Variants in RABGAP1L observed in about 807,000 individuals in gnomAD.
RABGAP1L encodes the protein rab GTPase-activating protein 1-like.
In RABGAP1L, 63 loss-of-function variants were observed where a neutral mutation model predicts 137.7. The ratio of observed to expected loss-of-function variants is 0.46; its 90% CI spans 0.37 to 0.56. The LOEUF is 0.56. Among genes scored for constraint, RABGAP1L ranks in the 20% least tolerant of loss-of-function variants. RABGAP1L has a pLI of 0.00. For synonymous variants in RABGAP1L, 431 were observed against 433.7 expected (o/e 0.99, Z 0.08); for missense variants, 1,095 against 1,244.0 (o/e 0.88, Z 1.80).
intron 13 of RABGAP1L, among the ~76,000 whole-genome samples, chr1:174,573,237 A>T (rs953838575): frequency 2.0e-5 from 3 of 149,580 alleles, no homozygotes; most frequent in African/African-American, 7.4e-5. Context: ...ATATGTTTAT[A>T]TGTATGTGTG....
At chr1:174,797,529 T>TG (rs1688338762) in intron 18 of RABGAP1L, among the ~76,000 whole-genome samples, 1 of 90,578 alleles carries the variant, frequency 1.1e-5, no homozygotes, top group African/African-American at 4.5e-5. Flanking sequence ...GGGGTGTGTG[T>TG]GTGGTGTGTC....
intron 19 of RABGAP1L, among the ~76,000 whole-genome samples, chr1:174,839,330 C>T (rs758795571): frequency 5.9e-5 from 9 of 152,150 alleles, no homozygotes; most frequent in African/African-American, 2.2e-4. Flanking sequence ...AGTTACCCCT[C>T]TCACATGCAC....
At chr1:174,837,456 T>G (rs1194660219) in intron 19 of RABGAP1L, among the ~76,000 whole-genome samples, 1 of 152,222 alleles carries the variant, frequency 6.6e-6, no homozygotes, top group Non-Finnish European at 1.5e-5. Context: ...TTTTTATGAT[T>G]GGTAGAGTTT....
intron 13 of RABGAP1L, among the ~76,000 whole-genome samples, chr1:174,507,061 C>A (rs1283389721): frequency 1.3e-5 from 2 of 152,048 alleles, no homozygotes; most frequent in Non-Finnish European, 2.9e-5. Flanking sequence ...ACCTTATACA[C>A]CATAATTTTA....
chr1:174,883,016 C>A (rs1654500722), intron 19 of RABGAP1L, among the ~76,000 whole-genome samples: 1 of 152,036 alleles, frequency 6.6e-6, no homozygotes, highest in Non-Finnish European at 1.5e-5. Context: ...AGAGATGGGG[C>A]TTTCACCATG....
chr1:174,167,670 A>G (rs1041868962), intron 1 of RABGAP1L, among the ~76,000 whole-genome samples: 1 of 152,234 alleles, frequency 6.6e-6, no homozygotes, highest in African/African-American at 2.4e-5. Flanking sequence ...CCCGTTTACC[A>G]TTCTCATTAT....
At chr1:174,351,947 G>A (rs559487394) in intron 11 of RABGAP1L, among the ~76,000 whole-genome samples, 172 of 152,070 alleles carry the variant, frequency 1.1e-3, no homozygotes, top group African/African-American at 3.8e-3. Context: ...GATTACAGGC[G>A]CCGGCCACCA....
At chr1:174,393,962 A>G (rs2149083637) in intron 12 of RABGAP1L, 33 bp from the exon 13 acceptor site, 3 of 1,602,388 alleles carry the variant, frequency 1.9e-6, no homozygotes, top group Non-Finnish European at 2.6e-6. Context: ...GTTGTAAAGG[A>G]AGTGTGAATG....
chr1:174,979,078 G>A (rs551398036), intron 23 of RABGAP1L, among the ~76,000 whole-genome samples, 188 bp downstream of exon 23: 18 of 152,192 alleles, frequency 1.2e-4, no homozygotes, highest in South Asian at 6.2e-4. Flanking sequence ...CCAGCTACCC[G>A]GGAGGCTGAG....
chr1:174,554,325 C>A (rs1474870828), intron 13 of RABGAP1L, among the ~76,000 whole-genome samples: 1 of 152,094 alleles, frequency 6.6e-6, no homozygotes, highest in East Asian at 1.9e-4. Context: ...CCTACTTAAT[C>A]TGAAGTTTAC....
intron 18 of RABGAP1L, among the ~76,000 whole-genome samples, chr1:174,763,573 C>A (rs1338578836): frequency 7.3e-6 from 1 of 137,586 alleles, no homozygotes; most frequent in Non-Finnish European, 1.5e-5. Flanking sequence ...ATGGCGTGAA[C>A]CTGGGAGGCG....
chr1:174,629,366 T>G (rs1017393167), intron 13 of RABGAP1L, among the ~76,000 whole-genome samples: 1 of 152,212 alleles, frequency 6.6e-6, no homozygotes, highest in African/African-American at 2.4e-5. Context: ...GACCTTTACT[T>G]ATATGAGATG....
chr1:174,603,788 C>G (rs775581326), intron 13 of RABGAP1L, among the ~76,000 whole-genome samples: 13 of 151,922 alleles, frequency 8.6e-5, no homozygotes, highest in Non-Finnish European at 1.3e-4. Flanking sequence ...ACTGGGTTCT[C>G]CCCTACAAGG....
Position 174,348,102 on chromosome 1 carries a change from G to A in RABGAP1L, c.1466-22877G>A, listed in dbSNP as rs1288183834. Among the ~76,000 whole-genome samples the A allele has an allele frequency of 2.0e-5, 3 of 151,274 alleles. No individual in the cohort carries two copies. In the South Asian group the frequency reaches 6.3e-4, roughly 32 times the overall value. ...TCTCTTTCTTCCTATCTTCCTTTCTGTGAAGGTTATTTTTTTTGGTGGTGT... is the reference window on the plus strand; with the variant it reads ...TCTCTTTCTTCCTATCTTCCTTTCTATGAAGGTTATTTTTTTTGGTGGTGT... On this transcript the variant is annotated intron_variant, in intron 11 of 25. Coordinates refer to ENST00000681986, the MANE Select transcript of RABGAP1L (RefSeq NM_001366446.1).
intron 17 of RABGAP1L, among the ~76,000 whole-genome samples, chr1:174,728,942 C>T (rs1042907972): frequency 2.5e-4 from 38 of 152,086 alleles, no homozygotes; most frequent in Admixed American, 9.8e-4. Flanking sequence ...TGCCTGGCCA[C>T]CAGTGTCATT....
At chr1:174,741,588 C>G (rs1393857733) in intron 17 of RABGAP1L, among the ~76,000 whole-genome samples, 1 of 152,004 alleles carries the variant, frequency 6.6e-6, no homozygotes, top group Non-Finnish European at 1.5e-5. Flanking sequence ...TTTTGAACTC[C>G]TGGGTTCAAG....
intron 1 of RABGAP1L, among the ~76,000 whole-genome samples, chr1:174,185,357 C>T (rs567300283): frequency 2.0e-5 from 3 of 152,202 alleles, no homozygotes; most frequent in Non-Finnish European, 4.4e-5. Flanking sequence ...AATTTTAGAG[C>T]TAAAGTACAG....
chr1:174,499,884 A>G (rs1661099128), intron 13 of RABGAP1L, among the ~76,000 whole-genome samples: 1 of 152,114 alleles, frequency 6.6e-6, no homozygotes. Flanking sequence ...TTAAGTTCAT[A>G]TATTATAATG....
intron 21 of RABGAP1L, among the ~76,000 whole-genome samples, chr1:174,971,854 CTT>C (rs933393899): frequency 1.3e-5 from 2 of 152,198 alleles, no homozygotes; most frequent in Non-Finnish European, 2.9e-5. Flanking sequence ...CACTGGCAAA[CTT>C]TAAACAAATA....
Sources: allele counts gnomAD v4.1 joint callset (sites outside exome capture counted in the v4.1 genomes callset), GRCh38; gene constraint gnomAD v4.1.1; transcripts MANE v1.5; gene names NCBI Gene and HGNC (gene_info 2026-07-23, HGNC 2026-07-21).